The following PRR5L variants were observed in gnomAD, a reference collection of about 807,000 sequenced individuals.
PRR5L encodes proline-rich protein 5-like.
In PRR5L, 21 loss-of-function variants were observed where a neutral mutation model predicts 36.4. That is an observed-to-expected ratio of 0.58 (90% CI 0.41 to 0.83). The LOEUF (loss-of-function observed/expected upper bound fraction) is 0.83, where lower values mean the gene tolerates loss of function less well. PRR5L is among the 40% of genes least tolerant of loss of function. PRR5L has a pLI of 0.00. For missense variants in PRR5L, 381 were observed against 473.3 expected (o/e 0.80, Z 1.81); for synonymous variants, 188 against 197.0 (o/e 0.95, Z 0.38).
At chr11:36,368,136 G>A (rs950115240) in intron 1 of PRR5L, among the ~76,000 whole-genome samples, 17 of 151,976 alleles carry the variant, frequency 1.1e-4, no homozygotes. Flanking sequence ...CTGAGCTTCT[G>A]GGATATTGGA....
At chr11:36,421,583 CT>C (rs1466914823) in intron 4 of PRR5L, among the ~76,000 whole-genome samples, 2 of 151,860 alleles carry the variant, frequency 1.3e-5, no homozygotes, top group Admixed American at 6.6e-5. Flanking sequence ...GGGCACACAG[CT>C]TTTTTTTCTT....
chr11:36,403,208 G>GT lies in PRR5L; in HGVS notation c.165-89dup. On this transcript the variant is annotated intron_variant, in intron 2 of 8. Coordinates refer to ENST00000530639, the MANE Select transcript of PRR5L (RefSeq NM_001160167.2). ...CCAGGTTTGTGCTATGAGCTTCCTG[G>GT]TCACTCCACACACCTTCAGCCCTGA... is the stretch of plus-strand genomic sequence containing the variant. 4.7e-6 allele frequency: 5 copies of GT among 1,063,782 alleles called. No homozygotes were observed. In the South Asian group the frequency reaches 6.8e-5, roughly 15 times the overall value. 65.9% of individuals were successfully genotyped at this position (1,063,782 alleles called of 1,614,324 possible). A position where few individuals can be genotyped will look rare whatever the true frequency, so the allele number is the denominator to read the frequency against.
chr11:36,352,927 C>T (rs544691721), intron 1 of PRR5L, among the ~76,000 whole-genome samples: 3 of 152,298 alleles, frequency 2.0e-5, no homozygotes, highest in African/African-American at 4.8e-5. Flanking sequence ...TCTGCCTTGT[C>T]GTGGAAGTGA....
chr11:36,419,321 G>A lies in PRR5L; in HGVS notation c.294+18G>A. On this transcript the variant is annotated intron_variant, in intron 4 of 8. Coordinates refer to ENST00000530639, the MANE Select transcript of PRR5L (RefSeq NM_001160167.2). Reference sequence around the variant, plus strand: ...ATTTTCAGGTAAGCTGTGTGGATCTGAGCATCCATCATTATCATGCATGTG... The same window carrying A: ...ATTTTCAGGTAAGCTGTGTGGATCTAAGCATCCATCATTATCATGCATGTG... 3.1e-6 allele frequency: 5 copies of A among 1,609,710 alleles called. No individual in the cohort carries two copies. The highest frequency in any genetic ancestry group is 4.2e-6 in the Non-Finnish European group (5 of 1,176,556).
chr11:36,460,378 C>A (rs928847839), intron 8 of PRR5L, among the ~76,000 whole-genome samples: 1 of 152,164 alleles, frequency 6.6e-6, no homozygotes, highest in Non-Finnish European at 1.5e-5. Context: ...TCTGCATCCT[C>A]CCCATCCTTC....
rs3083243 is a variant in PRR5L at position 36,326,302 on chromosome 11, T to TACACACACAC, written c.-126+29890_-126+29899dup. On this transcript the variant is annotated intron_variant, in intron 1 of 8. Transcript: ENST00000530639. ...CACTTTAGTGTGTCTCCCCAATAGATACACACACACACACACACACACACA... is the reference window on the plus strand; with the variant it reads ...CACTTTAGTGTGTCTCCCCAATAGATACACACACACACACACACACACACACACACACACA... Among the ~76,000 whole-genome samples the TACACACACAC allele has an allele frequency of 4.4e-3, 650 of 147,482 alleles. 3 individuals carry two copies. Among genetic ancestry groups the TACACACACAC allele is most frequent in the African/African-American group, 0.012 (457 of 39,622 alleles).
At chr11:36,411,924 G>A (rs1858035914) in intron 3 of PRR5L, among the ~76,000 whole-genome samples, 2 of 152,278 alleles carry the variant, frequency 1.3e-5, no homozygotes, top group Admixed American at 6.5e-5. Flanking sequence ...CAAGACCCAG[G>A]GCTTCAGAGT....
At position 36,406,648 on chromosome 11, in the gene PRR5L, A is replaced by G. The variant is rs58389350; in HGVS notation, c.245+3270A>G. 7.5e-3 allele frequency among the ~76,000 whole-genome samples: 1,134 copies of G among 152,182 alleles called. 17 individuals carry two copies. Among genetic ancestry groups the G allele is most frequent in the African/African-American group, 0.026 (1,085 of 41,510 alleles). The stretch of plus-strand genomic sequence containing the variant: ...CATTCAAGTAGACACTTGGGTTTTG[A>G]TTTTCCTTTTGGAAGACTTGTTTGC... On this transcript the variant is annotated intron_variant, in intron 3 of 8. Transcript: ENST00000530639.
intron 1 of PRR5L, among the ~76,000 whole-genome samples, chr11:36,350,947 TATATTTATATATATTTATATATTTA>T (rs1856927548): frequency 8.0e-5 from 1 of 12,482 alleles, no homozygotes; most frequent in Non-Finnish European, 1.9e-4. Flanking sequence ...TTTATATATA[TATATTTATATATATTTATATATTTA>T]TATATATTTA....
At chr11:36,345,348 G>A (rs985953588) in intron 1 of PRR5L, among the ~76,000 whole-genome samples, 6 of 152,116 alleles carry the variant, frequency 3.9e-5, no homozygotes, top group Admixed American at 1.3e-4. Flanking sequence ...GACAAGGGGC[G>A]GGTAACCTGC....
chr11:36,441,589 C>T lies in PRR5L; in HGVS notation c.444+4113C>T, dbSNP rs138003988. On this transcript the variant is annotated intron_variant, in intron 6 of 8. Coordinates refer to ENST00000530639, the MANE Select transcript of PRR5L (RefSeq NM_001160167.2). ...GTTTTTCCAGGCTCAGGGTGCAAGC[C>T]GGTGGCTCTACCCTTCTTGGGTCTA... 4.0e-3 allele frequency among the ~76,000 whole-genome samples: 604 copies of T among 152,284 alleles called. 3 individuals carry two copies. Among genetic ancestry groups the T allele is most frequent in the African/African-American group, 0.014 (580 of 41,568 alleles).
At chr11:36,347,674 G>A (rs1010000837) in intron 1 of PRR5L, among the ~76,000 whole-genome samples, 7 of 151,814 alleles carry the variant, frequency 4.6e-5, no homozygotes, top group Non-Finnish European at 8.8e-5. Flanking sequence ...GAGGAGAAAG[G>A]AACTGTTACC....
rs112418180 is a variant in PRR5L at position 36,377,246 on chromosome 11, C to T, written c.-125-23751C>T. 6.6e-6 allele frequency among the ~76,000 whole-genome samples: 1 copy of T among 152,320 alleles called. No individual in the cohort carries two copies. Among genetic ancestry groups the T allele is most frequent in the African/African-American group, 2.4e-5 (1 of 41,600 alleles). ...CCACTTTGTCCCGTGCGCTGCTGCA[C>T]GCGCGCGCTCTGCGGACTAGGGTGG... On this transcript the variant is annotated intron_variant, in intron 1 of 8. Coordinates refer to ENST00000530639, the MANE Select transcript of PRR5L (RefSeq NM_001160167.2). This position sits in a 1 kb window ranked among gnomAD's most constrained non-coding sequence, Gnocchi z 5.1.
At chr11:36,297,212 C>T (rs72948104) in intron 1 of PRR5L, among the ~76,000 whole-genome samples, 5,444 of 152,274 alleles carry the variant, frequency 0.036, 153 homozygotes, top group East Asian at 0.1. Flanking sequence ...ATCTTAGACC[C>T]GCCCAGCCCT....
chr11:36,378,245 T>G (rs986570917), intron 1 of PRR5L, among the ~76,000 whole-genome samples: 5 of 152,164 alleles, frequency 3.3e-5, no homozygotes, highest in African/African-American at 1.2e-4. Context: ...CATTTAAAAT[T>G]TAGCCCCTGG....
intron 1 of PRR5L, among the ~76,000 whole-genome samples, chr11:36,370,210 G>A (rs1338299356): frequency 6.6e-6 from 1 of 152,116 alleles, no homozygotes; most frequent in Non-Finnish European, 1.5e-5. Context: ...CTGACTCAGG[G>A]CCTCTGTACT....
At chr11:36,313,384 AGCTAC>A (rs1472443105) in intron 1 of PRR5L, among the ~76,000 whole-genome samples, 1 of 152,200 alleles carries the variant, frequency 6.6e-6, no homozygotes, top group Non-Finnish European at 1.5e-5. Context: ...AAGAAGTTTA[AGCTAC>A]GCCAATATTC....
At chr11:36,342,440 C>T (rs1210244760) in intron 1 of PRR5L, among the ~76,000 whole-genome samples, 1 of 152,118 alleles carries the variant, frequency 6.6e-6, no homozygotes, top group Non-Finnish European at 1.5e-5. Flanking sequence ...TTCGAGAAAT[C>T]CCAGGAGAGT....
intron 8 of PRR5L, chr11:36,454,967 T>G (rs1414959962): frequency 6.6e-6 from 1 of 152,332 alleles, no homozygotes; most frequent in African/African-American, 2.4e-5. Context: ...CCTCAGAGGC[T>G]GGCCTTTGCC....
Sources: gnomAD v4.1 joint callset for allele counts (sites outside exome capture counted in the v4.1 genomes callset) on GRCh38, gnomAD v4.1.1 for gene constraint, Gnocchi (gnomAD v3.1) non-coding constraint, MANE v1.5 for transcripts, NCBI Gene and HGNC (gene_info 2026-07-23, HGNC 2026-07-21) for gene names.